The following KYNU variants were observed in gnomAD, a reference collection of about 807,000 sequenced individuals.
KYNU encodes kynureninase.
Under a neutral mutation model 59.2 loss-of-function variants are expected in KYNU, and 54 were observed. The observed-to-expected ratio is 0.91, with a 90% CI of 0.73 to 1.14. The LOEUF (loss-of-function observed/expected upper bound fraction) is 1.14. Ranked by LOEUF, KYNU falls within the 50% of genes most tolerant of loss-of-function variation. The pLI, the probability that KYNU is intolerant of heterozygous loss-of-function variation, is 0.00. For missense variants in KYNU, 567 were observed against 554.4 expected (o/e 1.02, Z -0.23); for synonymous variants, 177 against 192.0 (o/e 0.92, Z 0.65).
At chr2:142,880,912 C>T (rs1037427277) in intron 1 of KYNU, among the ~76,000 whole-genome samples, 13 of 152,198 alleles carry the variant, frequency 8.5e-5, no homozygotes, top group African/African-American at 2.7e-4. Flanking sequence ...TGTTTTTGAT[C>T]TTTCCTATCC....
At chr2:142,991,680 T>C (rs927012292) in intron 10 of KYNU, among the ~76,000 whole-genome samples, 1 of 151,956 alleles carries the variant, frequency 6.6e-6, no homozygotes, top group Non-Finnish European at 1.5e-5. Flanking sequence ...AGAACTCTTC[T>C]GTATTTTAAA....
chr2:142,898,523 TC>T (rs1681961276), intron 2 of KYNU, among the ~76,000 whole-genome samples: 2 of 152,276 alleles, frequency 1.3e-5, no homozygotes, highest in South Asian at 4.1e-4. Flanking sequence ...AATATTTACT[TC>T]AAAAAATTAT....
intron 2 of KYNU, among the ~76,000 whole-genome samples, chr2:142,910,087 G>T (rs1447272937): frequency 6.9e-6 from 1 of 145,914 alleles, no homozygotes; most frequent in East Asian, 2.0e-4. Context: ...TTTGTTGGCT[G>T]TATGTATGTC....
intron 2 of KYNU, among the ~76,000 whole-genome samples, chr2:142,907,166 G>A (rs2083189): frequency 0.14 from 21,600 of 152,122 alleles, 2,527 homozygotes; most frequent in African/African-American, 0.32. Context: ...CAAGATGATG[G>A]TGGGCTGCTC....
chr2:143,040,973 C>G (rs956119586), intron 13 of KYNU, among the ~76,000 whole-genome samples: 5 of 151,990 alleles, frequency 3.3e-5, no homozygotes, highest in African/African-American at 1.2e-4. Context: ...ATTGTTTTCT[C>G]TAGTCTGTAC....
intron 4 of KYNU, among the ~76,000 whole-genome samples, chr2:142,941,844 C>T (rs1029934680): frequency 3.3e-5 from 5 of 152,034 alleles, no homozygotes; most frequent in African/African-American, 4.8e-5. Context: ...ACATATTAGT[C>T]AGAGAAATGG....
chr2:142,915,775 T>A (rs953154388), intron 2 of KYNU, among the ~76,000 whole-genome samples: 9 of 152,206 alleles, frequency 5.9e-5, no homozygotes, highest in African/African-American at 2.2e-4. Context: ...TAAACAAGTT[T>A]GAAGTCAAGT....
intron 8 of KYNU, among the ~76,000 whole-genome samples, chr2:142,976,207 G>C (rs1431434620): frequency 6.6e-6 from 1 of 152,242 alleles, no homozygotes; most frequent in Non-Finnish European, 1.5e-5. Flanking sequence ...AAGCCATGCT[G>C]CTGGGGCTAT....
chr2:142,929,017 AAAAAAAAAC>A (rs1378246840), intron 4 of KYNU, among the ~76,000 whole-genome samples: 1 of 146,684 alleles, frequency 6.8e-6, no homozygotes, highest in Non-Finnish European at 1.5e-5. Context: ...CAAAAAAAAA[AAAAAAAAAC>A]AAAAAACGAA....
At chr2:142,935,196 T>C (rs936606913) in intron 4 of KYNU, among the ~76,000 whole-genome samples, 3 of 152,222 alleles carry the variant, frequency 2.0e-5, no homozygotes, top group African/African-American at 7.2e-5. Context: ...TGGTTCCTTT[T>C]CAGCTGGCTG....
rs554728774 is a variant in KYNU, at chr2:142,976,933, T to C, written c.730-8151T>C. On this transcript the variant is annotated intron_variant, in intron 8 of 13. Coordinates refer to ENST00000264170, the MANE Select transcript of KYNU (RefSeq NM_003937.3). ...GTCATAGGTAGATTTGAAAATATTTTTGGTAACTGGTTGAAAGAGTTATTA... is the reference window on the plus strand; with the variant it reads ...GTCATAGGTAGATTTGAAAATATTTCTGGTAACTGGTTGAAAGAGTTATTA... 4.6e-5 allele frequency among the ~76,000 whole-genome samples: 7 copies of C among 152,242 alleles called. No individual in the cohort carries two copies. In the South Asian group the frequency reaches 1.4e-3, roughly 32 times the overall value.
intron 8 of KYNU, among the ~76,000 whole-genome samples, chr2:142,961,218 AC>A (rs1176489535): frequency 1.3e-5 from 2 of 149,070 alleles, no homozygotes; most frequent in Admixed American, 1.3e-4. Context: ...AGTAAATCTT[AC>A]ATTTTTAAAA....
intron 7 of KYNU, among the ~76,000 whole-genome samples, chr2:142,958,472 A>C (rs1353461529): frequency 6.6e-6 from 1 of 152,214 alleles, no homozygotes; most frequent in Non-Finnish European, 1.5e-5. Flanking sequence ...TTCACATAAG[A>C]TGCTCCCAGA....
At chr2:143,028,226 C>G (rs1275108916) in intron 10 of KYNU, among the ~76,000 whole-genome samples, 2 of 140,986 alleles carry the variant, frequency 1.4e-5, no homozygotes, top group African/African-American at 5.2e-5. Context: ...TATTTTATGT[C>G]TGGCTTATTT....
intron 2 of KYNU, among the ~76,000 whole-genome samples, chr2:142,896,608 A>T (rs1257281751): frequency 6.6e-6 from 1 of 151,984 alleles, no homozygotes; most frequent in Admixed American, 6.6e-5. Flanking sequence ...GTGAAGTGGT[A>T]CAATCATAGC....
chr2:142,884,943 A>G (rs1197041291), intron 1 of KYNU, among the ~76,000 whole-genome samples: 9 of 147,894 alleles, frequency 6.1e-5, no homozygotes, highest in Non-Finnish European at 1.3e-4. Context: ...CTCATATATG[A>G]AAAGAAGAAA....
At chr2:142,951,637 A>G (rs887639099) in intron 4 of KYNU, among the ~76,000 whole-genome samples, 2 of 152,240 alleles carry the variant, frequency 1.3e-5, no homozygotes, top group Non-Finnish European at 2.9e-5. Flanking sequence ...TCATATTTGT[A>G]GTAAACACTT....
chr2:142,989,157 T>C (rs1036424225), intron 10 of KYNU, among the ~76,000 whole-genome samples: 5 of 151,938 alleles, frequency 3.3e-5, no homozygotes, highest in Non-Finnish European at 7.4e-5. Flanking sequence ...GGAAGTTTTC[T>C]TGTGAATAAT....
chr2:143,028,243 C>CTTTTTTTTTTTTT (rs754504556), intron 10 of KYNU, among the ~76,000 whole-genome samples: 5 of 90,430 alleles, frequency 5.5e-5, no homozygotes, highest in Admixed American at 1.7e-4. Context: ...ATTTTACATT[C>CTTTTTTTTTTTTT]TTTTTTTTTT....
Sources: gnomAD v4.1 joint callset for allele counts (sites outside exome capture counted in the v4.1 genomes callset) on GRCh38, gnomAD v4.1.1 for gene constraint, MANE v1.5 for transcripts, NCBI Gene and HGNC (gene_info 2026-07-23, HGNC 2026-07-21) for gene names.